The following CFAP20DC variants were observed in gnomAD, a reference collection of about 807,000 sequenced individuals.
CFAP20DC encodes the protein CFAP20 domain containing.
A neutral mutation model predicts 101.7 loss-of-function variants in CFAP20DC; 84 were observed. The observed-to-expected ratio is 0.83, with a 90% CI of 0.69 to 0.99. The LOEUF (loss-of-function observed/expected upper bound fraction) is 0.99, where lower values mean the gene tolerates loss of function less well. Among genes scored for constraint, CFAP20DC ranks in the 50% least tolerant of loss-of-function variants. CFAP20DC has a pLI of 0.00. For synonymous variants in CFAP20DC, 359 were observed against 351.2 expected (o/e 1.02, Z -0.25); for missense variants, 1,007 against 970.3 (o/e 1.04, Z -0.50).
At chr3:58,941,294 A>G (rs955123654) in intron 4 of CFAP20DC, among the ~76,000 whole-genome samples, 2 of 132,006 alleles carry the variant, frequency 1.5e-5, no homozygotes, top group Non-Finnish European at 3.1e-5. Context: ...GTGCCACTGC[A>G]CTCCAGCCTG....
At chr3:58,844,974 G>C (rs2077488684) in intron 13 of CFAP20DC, among the ~76,000 whole-genome samples, 1 of 130,826 alleles carries the variant, frequency 7.6e-6, no homozygotes, top group Non-Finnish European at 1.6e-5. Flanking sequence ...TGAGAACAAA[G>C]ACACAACATA....
intron 15 of CFAP20DC, among the ~76,000 whole-genome samples, chr3:58,773,535 G>A (rs1449117928): frequency 6.6e-6 from 1 of 152,086 alleles, no homozygotes; most frequent in Non-Finnish European, 1.5e-5. Context: ...CAGCTTGGGT[G>A]ACAGAATGAG....
At chr3:58,734,709 C>A (rs1032924990) in intron 3 of CFAP20DC, among the ~76,000 whole-genome samples, 2 of 152,212 alleles carry the variant, frequency 1.3e-5, no homozygotes, top group Non-Finnish European at 2.9e-5. Context: ...GGCCTCCATT[C>A]TTCCTTTCCC....
At chr3:58,968,675 G>A (rs192121874) in intron 4 of CFAP20DC, among the ~76,000 whole-genome samples, 4 of 152,156 alleles carry the variant, frequency 2.6e-5, no homozygotes, top group African/African-American at 7.2e-5. Flanking sequence ...TCACCCTGCT[G>A]ATAGTTTCTT....
intron 4 of CFAP20DC, among the ~76,000 whole-genome samples, chr3:58,960,218 C>T (rs1036994117): frequency 3.3e-5 from 5 of 152,270 alleles, no homozygotes; most frequent in Admixed American, 6.5e-5. Flanking sequence ...CTAGGCCGGG[C>T]GTGGTGGCTC....
intron 6 of CFAP20DC, among the ~76,000 whole-genome samples, chr3:58,909,215 T>C (rs2083902108): frequency 6.6e-6 from 1 of 152,134 alleles, no homozygotes; most frequent in South Asian, 2.1e-4. Flanking sequence ...CATTCTGTTA[T>C]GCATGTTCAC....
chr3:58,777,237 C>T (rs1284661393), intron 15 of CFAP20DC, among the ~76,000 whole-genome samples: 1 of 152,158 alleles, frequency 6.6e-6, no homozygotes, highest in African/African-American at 2.4e-5. Flanking sequence ...TACCTATGAC[C>T]TGGAAGCCCC....
intron 3 of CFAP20DC, among the ~76,000 whole-genome samples, chr3:58,719,630 G>T (rs1290242722): frequency 1.3e-5 from 2 of 152,118 alleles, no homozygotes; most frequent in Non-Finnish European, 2.9e-5. Flanking sequence ...TGATGAACTT[G>T]TTTTTACCCA....
intron 14 of CFAP20DC, among the ~76,000 whole-genome samples, chr3:58,819,914 T>A (rs1429935619): frequency 2.1e-5 from 3 of 141,080 alleles, no homozygotes; most frequent in Non-Finnish European, 4.5e-5. Context: ...GCAAAACGAA[T>A]CCAGCAGCAC....
chr3:58,809,348 T>C (rs573532321), intron 14 of CFAP20DC, among the ~76,000 whole-genome samples: 50 of 152,154 alleles, frequency 3.3e-4, no homozygotes, highest in Non-Finnish European at 6.6e-4. Flanking sequence ...TTATAATAAA[T>C]TGTCTCTCAG....
intron 4 of CFAP20DC, among the ~76,000 whole-genome samples, chr3:59,009,757 T>C (rs1413547344): frequency 6.6e-6 from 1 of 152,114 alleles, no homozygotes; most frequent in African/African-American, 2.4e-5. Context: ...GATCATCACC[T>C]AGGCACACAG....
intron 4 of CFAP20DC, among the ~76,000 whole-genome samples, chr3:58,967,115 G>A (rs2091610427): frequency 6.6e-6 from 1 of 152,128 alleles, no homozygotes; most frequent in Non-Finnish European, 1.5e-5. Flanking sequence ...TTATCACAAA[G>A]CTATAGTAAA....
chr3:58,731,583 C>A (rs544851073), intron 3 of CFAP20DC, among the ~76,000 whole-genome samples: 1 of 152,120 alleles, frequency 6.6e-6, no homozygotes, highest in Non-Finnish European at 1.5e-5. Flanking sequence ...CTGCATGCCA[C>A]GTCTAATGTT....
chr3:58,983,345 C>A (rs547755287), intron 4 of CFAP20DC, among the ~76,000 whole-genome samples: 1 of 152,090 alleles, frequency 6.6e-6, no homozygotes, highest in African/African-American at 2.4e-5. Flanking sequence ...ACTTTTTTGT[C>A]ATTTTAATTC....
In CFAP20DC at chr3:58,742,516, G is replaced by T. The variant is rs2067930963; in HGVS notation, c.2389C>A (p.Pro797Thr). 6.2e-7 allele frequency: 1 copy of T among 1,608,782 alleles called. No individual in the cohort carries two copies. The highest frequency in any genetic ancestry group is 1.3e-5 in the African/African-American group (1 of 74,722). The change falls in exon 17 of 17, where the codon CCT becomes ACT. Residue 797 changes from proline (P) to threonine (T), a missense_variant. Physicochemically the swap from Pro to Thr is conservative, Grantham distance 38. Coordinates refer to ENST00000482387, the MANE Select transcript of CFAP20DC (RefSeq NM_001394063.1). ...GGGTCAAAGTAACAGTTCAGACAAG[G>T]GTCATACAACAAAGTCAGTACTTCC... ...DEEVLTLLYD[P>T]CLNCYFDPQT...
intron 13 of CFAP20DC, among the ~76,000 whole-genome samples, chr3:58,839,851 A>C (rs2076980899): frequency 6.6e-6 from 1 of 152,208 alleles, no homozygotes; most frequent in South Asian, 2.1e-4. Flanking sequence ...GGAGATATCA[A>C]AATGTCTTAG....
intron 13 of CFAP20DC, among the ~76,000 whole-genome samples, chr3:58,847,713 C>A (rs1317180688): frequency 2.1e-5 from 3 of 140,298 alleles, no homozygotes; most frequent in African/African-American, 8.0e-5. Context: ...AAGACACATG[C>A]ACACGTATGT....
intron 12 of CFAP20DC, among the ~76,000 whole-genome samples, chr3:58,857,494 G>A (rs2078930499): frequency 6.6e-6 from 1 of 152,142 alleles, no homozygotes; most frequent in Admixed American, 6.5e-5. Context: ...AGAAGCAGAT[G>A]GATTTAGCTG....
chr3:58,804,786 G>A (rs747113061), intron 15 of CFAP20DC, among the ~76,000 whole-genome samples: 36 of 152,138 alleles, frequency 2.4e-4, no homozygotes, highest in Admixed American at 5.2e-4. Flanking sequence ...TCTTACTGAC[G>A]TGTTCACCTA....
Sources: allele counts gnomAD v4.1 joint callset (sites outside exome capture counted in the v4.1 genomes callset), GRCh38; gene constraint gnomAD v4.1.1; transcripts MANE v1.5; gene names NCBI Gene and HGNC (gene_info 2026-07-23, HGNC 2026-07-21).